RIMS4: variants seen among roughly 807,000 people sequenced by gnomAD.
RIMS4 encodes regulating synaptic membrane exocytosis 4.
A neutral mutation model predicts 29.0 loss-of-function variants in RIMS4; 9 were observed. The ratio of observed to expected loss-of-function variants is 0.31; its 90% CI spans 0.19 to 0.54. RIMS4 has a LOEUF of 0.54. RIMS4 is among the 20% of genes least tolerant of loss of function. The pLI, the probability that RIMS4 is intolerant of heterozygous loss-of-function variation, is 0.94. For synonymous variants in RIMS4, 130 were observed against 152.9 expected, an observed-to-expected ratio of 0.85 and a Z score of 1.10; for missense variants, 193 against 365.7, an observed-to-expected ratio of 0.53 and a Z score of 3.85.
intron 1 of RIMS4, among the ~76,000 whole-genome samples, chr20:44,803,307 T>C (rs554548591): frequency 1.3e-5 from 2 of 152,310 alleles, no homozygotes; most frequent in Non-Finnish European, 2.9e-5. Context: ...GGATCCTTAA[T>C]ATGTGACCTT....
intron 1 of RIMS4, among the ~76,000 whole-genome samples, chr20:44,808,247 G>C (rs1162679119): frequency 1.3e-5 from 2 of 152,056 alleles, no homozygotes; most frequent in Non-Finnish European, 2.9e-5. Context: ...TTTCAAGAAG[G>C]CTGCTGGAAA....
chr20:44,780,002 T>C (rs1301363715), intron 1 of RIMS4, among the ~76,000 whole-genome samples: 1 of 152,304 alleles, frequency 6.6e-6, no homozygotes, highest in East Asian at 1.9e-4. Flanking sequence ...GTTAAGAGAA[T>C]GTGTATACAG....
intron 2 of RIMS4, among the ~76,000 whole-genome samples, chr20:44,767,149 G>A (rs915724171): frequency 2.0e-5 from 3 of 152,152 alleles, no homozygotes; most frequent in Admixed American, 6.5e-5. Flanking sequence ...TCACCTCCCA[G>A]GTGAATCACT....
At chr20:44,806,561 AT>A (rs1338584830) in intron 1 of RIMS4, among the ~76,000 whole-genome samples, 2 of 152,334 alleles carry the variant, frequency 1.3e-5, no homozygotes, top group African/African-American at 2.4e-5. Flanking sequence ...TAAAGCTAGC[AT>A]TTTGAGAATC....
chr20:44,764,151 T>TATCCATCCATCCATCCATCCATCC (rs376980648), intron 2 of RIMS4, among the ~76,000 whole-genome samples: 1 of 40,724 alleles, frequency 2.5e-5, no homozygotes, highest in Non-Finnish European at 4.6e-5. Context: ...TGCATCCATT[T>TATCCATCCATCCATCCATCCATCC]ATCCATCCAT....
At chr20:44,764,162 CCATCCATCCATCCAT>C (rs2066101057) in intron 2 of RIMS4, among the ~76,000 whole-genome samples, 1 of 150,060 alleles carries the variant, frequency 6.7e-6, no homozygotes, top group Non-Finnish European at 1.5e-5. Context: ...ATCCATCCAT[CCATCCATCCATCCAT>C]CCATCCATCC....
chr20:44,767,826 C>A (rs1337239370), intron 2 of RIMS4, among the ~76,000 whole-genome samples: 1 of 152,216 alleles, frequency 6.6e-6, no homozygotes, highest in Non-Finnish European at 1.5e-5. Flanking sequence ...GTGTTCTCTG[C>A]AAGAGTTAGC....
intron 4 of RIMS4, 105 bp from the exon 5 acceptor site, chr20:44,757,142 C>A: frequency 7.7e-7 from 1 of 1,301,682 alleles, no homozygotes; most frequent in Non-Finnish European, 1.1e-6. Flanking sequence ...GATAGGTGTG[C>A]CCCCATGGGG....
At chr20:44,786,641 T>C (rs999337233) in intron 1 of RIMS4, among the ~76,000 whole-genome samples, 3 of 152,142 alleles carry the variant, frequency 2.0e-5, no homozygotes, top group Admixed American at 1.3e-4. Flanking sequence ...TCTAAGTGCT[T>C]AGAAGAGAAC....
Position 44,810,498 on chromosome 20 carries a change from C to CGGCGGCGGCGGCGGCGGT in RIMS4, c.-245_-228dup, listed in dbSNP as rs1360616056. On this transcript the variant is annotated 5_prime_UTR_variant, in exon 1 of 6. Coordinates refer to ENST00000372851, the MANE Select transcript of RIMS4 (RefSeq NM_182970.4). ...CCGAGGCGCGCTGTGCTGCTGGCGG[C>CGGCGGCGGCGGCGGCGGT]GGCGGCGGCGGCGGCGGTGGCGGCG... Among the ~76,000 whole-genome samples the CGGCGGCGGCGGCGGCGGT allele has an allele frequency of 4.2e-4, 54 of 128,646 alleles. No individual in the cohort carries two copies. The highest frequency in any genetic ancestry group is 1.1e-3 in the African/African-American group (32 of 28,140). The allele number at this position is 128,646 out of a possible 152,430, so 84.4% of individuals were successfully genotyped here.
At chr20:44,778,119 G>A (rs1041476912) in intron 1 of RIMS4, among the ~76,000 whole-genome samples, 1 of 152,216 alleles carries the variant, frequency 6.6e-6, no homozygotes, top group Non-Finnish European at 1.5e-5. Context: ...AGGGCTGAGA[G>A]CCATCTGCAG....
chr20:44,789,942 G>A (rs966949908), intron 1 of RIMS4, among the ~76,000 whole-genome samples: 3 of 152,236 alleles, frequency 2.0e-5, no homozygotes, highest in African/African-American at 7.2e-5. Context: ...TGGGGAGATT[G>A]TGAGCTCTCT....
chr20:44,793,104 A>G (rs143021828), intron 1 of RIMS4, among the ~76,000 whole-genome samples: 162 of 152,236 alleles, frequency 1.1e-3, no homozygotes, highest in Middle Eastern at 3.4e-3. Context: ...AGGATGCCAT[A>G]TAAGCGCTGT....
intron 3 of RIMS4, 23 bp from the exon 4 acceptor site, chr20:44,757,794 A>C: frequency 6.3e-7 from 1 of 1,590,516 alleles, no homozygotes; most frequent in Non-Finnish European, 8.6e-7. Flanking sequence ...CCAAGAGATG[A>C]GACTGGGAAA....
intron 1 of RIMS4, among the ~76,000 whole-genome samples, chr20:44,776,872 C>T (rs1039858158): frequency 3.3e-5 from 5 of 152,240 alleles, no homozygotes; most frequent in South Asian, 2.1e-4. Flanking sequence ...AAATGAGGAT[C>T]GAGAAGGTTA....
At position 44,754,621 on chromosome 20, in the gene RIMS4, G is replaced by A. The variant is rs2066050179; in HGVS notation, c.*1513C>T. On this transcript the variant is annotated 3_prime_UTR_variant, in exon 6 of 6. Coordinates refer to ENST00000372851, the MANE Select transcript of RIMS4 (RefSeq NM_182970.4). ...CTACGGGGACAAGGGAAGGAAGGGG[G>A]CGGAGGAGGAGGGGCTGGCCTCCTG... 6.5e-6 allele frequency: 1 copy of A among 152,926 alleles called. No homozygotes were observed. The highest frequency in any genetic ancestry group is 2.4e-5 in the African/African-American group (1 of 41,454). The allele number at this position is 152,926 out of a possible 1,614,324, so 9.5% of individuals were successfully genotyped here.
chr20:44,810,188 G>A lies in RIMS4; in HGVS notation c.84C>T (p.Asp28=), dbSNP rs1261127526. ...CCGCGCGCTTACCTGCGTCCTCGTC[G>A]TCGAAGGAGTTCATGCACGGGAAGT... The part of the protein sequence containing the change: ...AIYFPCMNSF[D]DEDAGDSRRL... The change falls in exon 1 of 6, where the codon GAC becomes GAT. Residue 28 remains aspartate, a synonymous_variant. Transcript: ENST00000372851. The A allele has an allele frequency of 4.4e-6, 7 of 1,589,086 alleles. No homozygotes were observed. In the African/African-American group the frequency reaches 6.7e-5, roughly 15 times the overall value.
chr20:44,759,941 G>T (rs919414880), intron 2 of RIMS4, among the ~76,000 whole-genome samples: 1 of 152,170 alleles, frequency 6.6e-6, no homozygotes, highest in Admixed American at 6.6e-5. Context: ...ACTACCCCTG[G>T]CTTGCTTTCC....
chr20:44,807,827 C>T (rs2066305633), intron 1 of RIMS4, among the ~76,000 whole-genome samples: 1 of 152,064 alleles, frequency 6.6e-6, no homozygotes, highest in Admixed American at 6.6e-5. Flanking sequence ...TTTCTCCCTC[C>T]CCCTCCCAAA....
Sources: gnomAD v4.1 joint callset for allele counts (sites outside exome capture counted in the v4.1 genomes callset) on GRCh38, gnomAD v4.1.1 for gene constraint, MANE v1.5 for transcripts, NCBI Gene and HGNC (gene_info 2026-07-23, HGNC 2026-07-21) for gene names.